Variants in PTPRG observed in about 807,000 individuals in gnomAD.
The protein encoded by PTPRG is protein tyrosine phosphatase receptor type G.
PTPRG carries 102 observed loss-of-function variants against 165.3 expected under a neutral mutation model. The ratio of observed to expected loss-of-function variants is 0.62; its 90% CI spans 0.53 to 0.73. PTPRG has a LOEUF of 0.73. PTPRG is among the 30% of genes least tolerant of loss of function. PTPRG has a pLI of 0.00. For synonymous variants in PTPRG, 675 were observed against 669.5 expected, an observed-to-expected ratio of 1.01 and a Z score of -0.13; for missense variants, 1,866 against 1,861.4, an observed-to-expected ratio of 1.00 and a Z score of -0.05.
intron 1 of PTPRG, among the ~76,000 whole-genome samples, chr3:61,717,105 A>G (rs1436274439): frequency 6.6e-6 from 1 of 152,258 alleles, no homozygotes; most frequent in Non-Finnish European, 1.5e-5. Flanking sequence ...ATTGTTATAT[A>G]GCTGTTTCAT....
At chr3:61,583,246 G>C (rs1700348208) in intron 1 of PTPRG, among the ~76,000 whole-genome samples, 1 of 152,190 alleles carries the variant, frequency 6.6e-6, no homozygotes, top group South Asian at 2.1e-4. Context: ...GCCAATGCTG[G>C]ATGCATTGAC....
At chr3:61,647,095 C>T (rs2106968974) in intron 1 of PTPRG, among the ~76,000 whole-genome samples, 1 of 152,172 alleles carries the variant, frequency 6.6e-6, no homozygotes, top group Non-Finnish European at 1.5e-5. Flanking sequence ...TTGAGTGAAC[C>T]TAAGTTTTTA....
chr3:62,067,005 T>C (rs989380487), intron 4 of PTPRG, among the ~76,000 whole-genome samples: 19 of 134,158 alleles, frequency 1.4e-4, no homozygotes, highest in Non-Finnish European at 2.1e-4. Flanking sequence ...GCCACTGCAC[T>C]CCAGCTTGGC....
intron 2 of PTPRG, among the ~76,000 whole-genome samples, chr3:61,931,841 A>T (rs2039369265): frequency 6.6e-6 from 1 of 152,298 alleles, no homozygotes; most frequent in Admixed American, 6.5e-5. Flanking sequence ...GGATGTTATG[A>T]CAAACTCTCA....
At chr3:61,583,597 C>T (rs1296605512) in intron 1 of PTPRG, among the ~76,000 whole-genome samples, 3 of 152,142 alleles carry the variant, frequency 2.0e-5, no homozygotes, top group African/African-American at 7.2e-5. Flanking sequence ...GGGTATTGAT[C>T]TCCTCTCCTC....
At chr3:61,870,892 G>A (rs144311106) in intron 2 of PTPRG, among the ~76,000 whole-genome samples, 1,708 of 152,130 alleles carry the variant, frequency 0.011, 38 homozygotes, top group African/African-American at 0.039. Flanking sequence ...ATATTACTAA[G>A]AAATTTTCAG....
intron 1 of PTPRG, among the ~76,000 whole-genome samples, chr3:61,725,013 C>T (rs1575611881): frequency 6.6e-6 from 1 of 152,180 alleles, no homozygotes; most frequent in East Asian, 1.9e-4. Context: ...TCTCTCTGGC[C>T]GATGCTTTGG....
chr3:62,249,067 G>T (rs990567472), intron 15 of PTPRG, among the ~76,000 whole-genome samples: 2 of 152,024 alleles, frequency 1.3e-5, no homozygotes, highest in Non-Finnish European at 2.9e-5. Flanking sequence ...ACTTCATTGT[G>T]TCATAAATGA....
At chr3:62,127,805 C>T (rs1335841628) in intron 5 of PTPRG, among the ~76,000 whole-genome samples, 1 of 152,286 alleles carries the variant, frequency 6.6e-6, no homozygotes, top group Non-Finnish European at 1.5e-5. Flanking sequence ...CACATGTCGT[C>T]TGATGGGGTC....
At chr3:62,250,200 A>G (rs1701380194) in intron 15 of PTPRG, among the ~76,000 whole-genome samples, 1 of 152,192 alleles carries the variant, frequency 6.6e-6, no homozygotes, top group Non-Finnish European at 1.5e-5. Flanking sequence ...ACACTCTATG[A>G]ATTAAGTACT....
chr3:62,265,558 A>C (rs1701836125), intron 17 of PTPRG, among the ~76,000 whole-genome samples: 1 of 152,136 alleles, frequency 6.6e-6, no homozygotes, highest in Non-Finnish European at 1.5e-5. Flanking sequence ...AGGTAGTTTT[A>C]TTTCTAAATA....
Position 62,087,003 on chromosome 3 carries a change from T to C in PTPRG, c.615+8745T>C, listed in dbSNP as rs146311229. Among the ~76,000 whole-genome samples, 544 of 152,374 alleles carry C rather than the reference T, an allele frequency of 3.6e-3. 2 individuals carry two copies. The highest frequency in any genetic ancestry group is 6.1e-3 in the Non-Finnish European group (412 of 68,032). On this transcript the variant is annotated intron_variant, in intron 5 of 29. Coordinates refer to ENST00000474889, the MANE Select transcript of PTPRG (RefSeq NM_002841.4). ...TTGAATGTGACCATGTGAAAATCTA[T>C]TTAAATTAAATCATTGCACTTCAAG... is the stretch of plus-strand genomic sequence containing the variant.
At chr3:61,809,375 T>C (rs1032960099) in intron 2 of PTPRG, among the ~76,000 whole-genome samples, 2 of 152,106 alleles carry the variant, frequency 1.3e-5, no homozygotes, top group Non-Finnish European at 2.9e-5. Flanking sequence ...GGGGAGACAT[T>C]GCCCATGAAA....
intron 4 of PTPRG, among the ~76,000 whole-genome samples, chr3:62,041,815 G>T (rs1488978307): frequency 2.0e-5 from 3 of 152,130 alleles, no homozygotes; most frequent in African/African-American, 7.2e-5. Flanking sequence ...TGATGATGGT[G>T]ATGGGGGTGG....
intron 2 of PTPRG, among the ~76,000 whole-genome samples, chr3:61,852,039 T>C (rs373881323): frequency 2.0e-5 from 3 of 152,152 alleles, no homozygotes; most frequent in East Asian, 1.9e-4. Flanking sequence ...ACTAATACAA[T>C]GTTGATACAA....
intron 5 of PTPRG, among the ~76,000 whole-genome samples, chr3:62,093,627 T>C (rs1702016465): frequency 6.6e-6 from 1 of 152,172 alleles, no homozygotes; most frequent in Admixed American, 6.5e-5. Context: ...GAGATGAGCA[T>C]GTGGAACAAG....
intron 2 of PTPRG, among the ~76,000 whole-genome samples, chr3:61,980,411 T>C (rs564092111): frequency 3.9e-4 from 59 of 152,332 alleles, no homozygotes; most frequent in Non-Finnish European, 8.1e-4. Flanking sequence ...AGCTTGTTTC[T>C]TCTTTTTTTG....
intron 2 of PTPRG, among the ~76,000 whole-genome samples, chr3:61,905,978 T>G (rs2038638449): frequency 6.6e-6 from 1 of 152,192 alleles, no homozygotes; most frequent in African/African-American, 2.4e-5. Flanking sequence ...ATGTAAGTAT[T>G]AATTTTTTCA....
intron 1 of PTPRG, among the ~76,000 whole-genome samples, chr3:61,660,691 A>T (rs949707107): frequency 5.9e-5 from 9 of 152,140 alleles, no homozygotes; most frequent in African/African-American, 2.2e-4. Flanking sequence ...GTTGACAATG[A>T]TAATGATGAT....
Sources: gnomAD v4.1 joint callset for allele counts (sites outside exome capture counted in the v4.1 genomes callset) on GRCh38, gnomAD v4.1.1 for gene constraint, MANE v1.5 for transcripts, NCBI Gene and HGNC (gene_info 2026-07-23, HGNC 2026-07-21) for gene names.